Variants in GABRB3 observed in about 807,000 individuals in gnomAD.
GABRB3 encodes the protein gamma-aminobutyric acid receptor subunit beta-3.
In GABRB3, 14 loss-of-function variants were observed where a neutral mutation model predicts 52.1. The observed-to-expected ratio is 0.27, with a 90% CI of 0.18 to 0.42. The LOEUF (loss-of-function observed/expected upper bound fraction) is 0.42. Among genes scored for constraint, GABRB3 ranks in the 10% least tolerant of loss-of-function variants. GABRB3 has a pLI of 1.00. For missense variants in GABRB3, 307 were observed against 609.1 expected, an observed-to-expected ratio of 0.50 and a Z score of 5.22; for synonymous variants, 260 against 232.3, an observed-to-expected ratio of 1.12 and a Z score of -1.08.
intron 3 of GABRB3, among the ~76,000 whole-genome samples, chr15:26,680,692 T>C (rs946586809): frequency 1.3e-5 from 2 of 152,214 alleles, no homozygotes; most frequent in African/African-American, 4.8e-5. Context: ...CAGCTAAACT[T>C]TTTTAGCTAC....
At chr15:26,565,824 T>C (rs1460312485) in intron 7 of GABRB3, among the ~76,000 whole-genome samples, 1 of 152,176 alleles carries the variant, frequency 6.6e-6, no homozygotes, top group South Asian at 2.1e-4. Flanking sequence ...GCAAATTCTC[T>C]GTAGCAGATG....
At chr15:26,627,811 T>G (rs1595495760) in intron 3 of GABRB3, among the ~76,000 whole-genome samples, 1 of 152,344 alleles carries the variant, frequency 6.6e-6, no homozygotes, top group African/African-American at 2.4e-5. Context: ...TTACATAAAC[T>G]TAGTTGATAA....
chr15:26,711,199 T>G (rs1185903167), intron 3 of GABRB3, among the ~76,000 whole-genome samples: 3 of 152,206 alleles, frequency 2.0e-5, no homozygotes, highest in Non-Finnish European at 4.4e-5. Context: ...AATATATCAC[T>G]GTGTTTACTT....
intron 3 of GABRB3, among the ~76,000 whole-genome samples, chr15:26,673,937 C>G (rs1887976395): frequency 1.3e-5 from 2 of 152,188 alleles, no homozygotes; most frequent in South Asian, 4.1e-4. Context: ...TAAGTCCTCT[C>G]TTAAAGATAT....
chr15:26,705,676 AAG>A (rs1889076731), intron 3 of GABRB3, among the ~76,000 whole-genome samples: 1 of 152,202 alleles, frequency 6.6e-6, no homozygotes, highest in Non-Finnish European at 1.5e-5. Context: ...AGAACATTCT[AAG>A]AGACACCAAT....
At chr15:26,735,423 C>A (rs998602196) in intron 3 of GABRB3, among the ~76,000 whole-genome samples, 1 of 152,098 alleles carries the variant, frequency 6.6e-6, no homozygotes. Context: ...GGGAATCCCA[C>A]CCAAAAGAAT....
chr15:26,572,207 T>C (rs1321424581), intron 6 of GABRB3, among the ~76,000 whole-genome samples: 1 of 152,228 alleles, frequency 6.6e-6, no homozygotes, highest in African/African-American at 2.4e-5. Context: ...CAACTATTTA[T>C]AGCTCCTGAC....
At position 26,641,658 on chromosome 15, in the gene GABRB3, C is replaced by A. The variant is rs1161877850; in HGVS notation, c.241-20124G>T. ...CCATCAGCACTGCCTGTGGGCCACA[C>A]TTACCATGCCGACACTACTCTACCA... On this transcript the variant is annotated intron_variant, in intron 3 of 8. Coordinates refer to ENST00000311550, the MANE Select transcript of GABRB3 (RefSeq NM_000814.6). Among the ~76,000 whole-genome samples, 11 of 152,220 alleles carry A rather than the reference C, an allele frequency of 7.2e-5. No individual in the cohort carries two copies. The East Asian group carries it at 2.1e-3, about 29-fold the overall frequency.
intron 4 of GABRB3, among the ~76,000 whole-genome samples, chr15:26,583,681 A>G (rs1890869806): frequency 6.6e-6 from 1 of 152,050 alleles, no homozygotes; most frequent in African/African-American, 2.4e-5. Context: ...TGACATAAAA[A>G]TTGTATACAT....
At position 26,574,134 on chromosome 15, in the gene GABRB3, T is replaced by TA. The variant is rs554124754; in HGVS notation, c.682+6184dup. Reference sequence around the variant, plus strand: ...CTTTGAATAGATATTTTTCCAAAGATAGAGAAACAGCCAAAATAGCATATG... The same window carrying TA: ...CTTTGAATAGATATTTTTCCAAAGATAAGAGAAACAGCCAAAATAGCATATG... On this transcript the variant is annotated intron_variant, in intron 6 of 8. Coordinates refer to ENST00000311550, the MANE Select transcript of GABRB3 (RefSeq NM_000814.6). Among the ~76,000 whole-genome samples, 388 of 152,264 alleles carry TA rather than the reference T, an allele frequency of 2.5e-3. 1 individual carries two copies. The highest frequency in any genetic ancestry group is 8.9e-3 in the African/African-American group (371 of 41,552).
At chr15:26,659,320 C>T (rs1292170270) in intron 3 of GABRB3, among the ~76,000 whole-genome samples, 1 of 151,970 alleles carries the variant, frequency 6.6e-6, no homozygotes, top group Admixed American at 6.6e-5. Context: ...GTCAGGAGTT[C>T]AAGAACAGCC....
At chr15:26,733,337 C>A (rs1325263794) in intron 3 of GABRB3, among the ~76,000 whole-genome samples, 1 of 151,952 alleles carries the variant, frequency 6.6e-6, no homozygotes, top group Non-Finnish European at 1.5e-5. Flanking sequence ...AGTCAACACA[C>A]AAAAATTACC....
intron 3 of GABRB3, among the ~76,000 whole-genome samples, chr15:26,645,910 G>A (rs891189519): frequency 1.1e-4 from 17 of 151,650 alleles, no homozygotes; most frequent in Non-Finnish European, 1.8e-4. Context: ...CCGCCTGATG[G>A]AGTCTCGTGG....
chr15:26,592,831 G>A (rs1267830973), intron 4 of GABRB3, among the ~76,000 whole-genome samples: 2 of 152,116 alleles, frequency 1.3e-5, no homozygotes, highest in African/African-American at 2.4e-5. Flanking sequence ...TGGCTAACAT[G>A]GTGAAACCCC....
rs1023139532 is a variant in GABRB3 at position 26,545,019 on chromosome 15, C to A, written c.*2774G>T. Reference sequence around the variant, plus strand: ...ACAGAGACTCCAATTCAACTCTCTTCTGTTAACACAGTCAGAGTTCTCTTC... The same window carrying A: ...ACAGAGACTCCAATTCAACTCTCTTATGTTAACACAGTCAGAGTTCTCTTC... On this transcript the variant is annotated 3_prime_UTR_variant, in exon 9 of 9. Transcript: ENST00000311550. 6.6e-6 allele frequency: 1 copy of A among 152,552 alleles called. No homozygotes were observed. The highest frequency in any genetic ancestry group is 2.4e-5 in the African/African-American group (1 of 41,394). The allele number at this position is 152,552 out of a possible 1,614,324, so 9.4% of individuals were successfully genotyped here. A position where few individuals can be genotyped will look rare whatever the true frequency, so the allele number is the denominator to read the frequency against.
At chr15:26,678,842 C>T (rs1037987595) in intron 3 of GABRB3, among the ~76,000 whole-genome samples, 1 of 152,162 alleles carries the variant, frequency 6.6e-6, no homozygotes, top group African/African-American at 2.4e-5. Flanking sequence ...GTGTACCTCA[C>T]TGAGGCTGAG....
chr15:26,700,996 A>AGTGAGCC (rs1888915311), intron 3 of GABRB3, among the ~76,000 whole-genome samples: 1 of 152,070 alleles, frequency 6.6e-6, no homozygotes, highest in African/African-American at 2.4e-5. Context: ...CGGAGTTTGC[A>AGTGAGCC]GTGAGCCGAG....
chr15:26,599,173 C>G (rs907146286), intron 4 of GABRB3, among the ~76,000 whole-genome samples: 3 of 152,168 alleles, frequency 2.0e-5, no homozygotes, highest in Non-Finnish European at 4.4e-5. Context: ...TAGCTTAAAC[C>G]AGAAAGTCAA....
intron 4 of GABRB3, among the ~76,000 whole-genome samples, chr15:26,619,109 G>A (rs1892377624): frequency 6.6e-6 from 1 of 151,952 alleles, no homozygotes; most frequent in African/African-American, 2.4e-5. Flanking sequence ...AGTCACTGTG[G>A]AGATTCCTCA....
Sources: allele counts gnomAD v4.1 joint callset (sites outside exome capture counted in the v4.1 genomes callset), GRCh38; gene constraint gnomAD v4.1.1; transcripts MANE v1.5; gene names NCBI Gene and HGNC (gene_info 2026-07-23, HGNC 2026-07-21).